Variants in MOB3B observed in about 807,000 individuals in gnomAD.
MOB3B encodes the protein MOB kinase activator 3B, also known as MOB kinase activator-like 2B.
Under a neutral mutation model 18.7 loss-of-function variants are expected in MOB3B, and 7 were observed. The observed-to-expected ratio is 0.37, with a 90% confidence interval of 0.21 to 0.70. MOB3B has a LOEUF of 0.70. Among genes scored for constraint, MOB3B ranks in the 30% least tolerant of loss-of-function variants. The pLI, the probability that MOB3B is intolerant of heterozygous loss-of-function variation, is 0.52. For synonymous variants in MOB3B, 111 were observed against 99.9 expected, an observed-to-expected ratio of 1.11 and a Z score of -0.66; for missense variants, 253 against 281.3, an observed-to-expected ratio of 0.90 and a Z score of 0.72.
At chr9:27,478,457 C>T (rs1819594373) in intron 1 of MOB3B, among the ~76,000 whole-genome samples, 1 of 151,136 alleles carries the variant, frequency 6.6e-6, no homozygotes. Context: ...CCTTTATGAA[C>T]AAAGGGCAAC....
chr9:27,440,457 C>T (rs1376049760), intron 2 of MOB3B, among the ~76,000 whole-genome samples: 2 of 151,590 alleles, frequency 1.3e-5, no homozygotes, highest in African/African-American at 2.4e-5. Context: ...TATAAGAATA[C>T]GTATCAATGG....
At chr9:27,378,455 G>C (rs1277207216) in intron 2 of MOB3B, 8 of 471,266 alleles carry the variant, frequency 1.7e-5, no homozygotes, top group South Asian at 1.1e-4. Context: ...GATGTGGCCA[G>C]AATGATTACA....
At chr9:27,446,498 C>T (rs771265973) in intron 2 of MOB3B, among the ~76,000 whole-genome samples, 1 of 152,216 alleles carries the variant, frequency 6.6e-6, no homozygotes, top group Non-Finnish European at 1.5e-5. Context: ...TCTACCTTTC[C>T]TTTCATTTGT....
chr9:27,491,878 C>T (rs1819825488), intron 1 of MOB3B, among the ~76,000 whole-genome samples: 1 of 152,106 alleles, frequency 6.6e-6, no homozygotes, highest in Non-Finnish European at 1.5e-5. Context: ...GTCTCAACAA[C>T]AACAACAACA....
At chr9:27,371,280 A>AGCGG (rs1691862679) in intron 2 of MOB3B, among the ~76,000 whole-genome samples, 2 of 152,218 alleles carry the variant, frequency 1.3e-5, no homozygotes, top group Non-Finnish European at 2.9e-5. Flanking sequence ...ACCCAACTTG[A>AGCGG]GCGGGGCTTT....
intron 3 of MOB3B, among the ~76,000 whole-genome samples, chr9:27,348,896 C>T (rs573283722): frequency 5.9e-5 from 9 of 152,254 alleles, no homozygotes; most frequent in East Asian, 3.9e-4. Context: ...CTCTGAGAAG[C>T]GGACAATTAG....
chr9:27,437,846 T>A (rs1470062997), intron 2 of MOB3B, among the ~76,000 whole-genome samples: 1 of 152,196 alleles, frequency 6.6e-6, no homozygotes, highest in Non-Finnish European at 1.5e-5. Flanking sequence ...GTTTTTAGGC[T>A]GGAAACTTCT....
At chr9:27,502,044 T>C (rs1820000098) in intron 1 of MOB3B, among the ~76,000 whole-genome samples, 1 of 152,200 alleles carries the variant, frequency 6.6e-6, no homozygotes, top group Non-Finnish European at 1.5e-5. Flanking sequence ...TTTTTTGCCA[T>C]CAATTTGCCT....
chr9:27,405,693 C>G (rs1222617710), intron 2 of MOB3B, among the ~76,000 whole-genome samples: 1 of 152,126 alleles, frequency 6.6e-6, no homozygotes, highest in Non-Finnish European at 1.5e-5. Context: ...TATAGGCCAA[C>G]ATCTTTGATG....
chr9:27,470,114 GAAAAAAA>G (rs751414011), intron 1 of MOB3B, among the ~76,000 whole-genome samples: 1 of 125,968 alleles, frequency 7.9e-6, no homozygotes, highest in African/African-American at 2.9e-5. Flanking sequence ...TCTCTTAAAA[GAAAAAAA>G]AAAAAAAGAA....
chr9:27,472,545 C>G (rs565950503), intron 1 of MOB3B, among the ~76,000 whole-genome samples: 4 of 151,944 alleles, frequency 2.6e-5, no homozygotes, highest in African/African-American at 9.7e-5. Context: ...TCTATTTGGT[C>G]TAAGAAATCT....
chr9:27,520,473 C>A (rs1820306888), intron 1 of MOB3B, among the ~76,000 whole-genome samples: 1 of 152,188 alleles, frequency 6.6e-6, no homozygotes. Flanking sequence ...TTTCCTTACA[C>A]TGTCATTGTT....
Position 27,328,433 on chromosome 9 carries a change from G to A in MOB3B, c.*2154C>T, listed in dbSNP as rs1296084908. ...GTTTGCCAGAATTTACCCTAGAAGA[G>A]TTCATTAGTGCAATTAACAATATAA... On this transcript the variant is annotated 3_prime_UTR_variant, in exon 4 of 4. Transcript: ENST00000262244. 6.6e-6 allele frequency: 1 copy of A among 151,394 alleles called. No individual in the cohort carries two copies. Among genetic ancestry groups the A allele is most frequent in the Non-Finnish European group, 1.5e-5 (1 of 67,924 alleles). 9.4% of individuals were successfully genotyped at this position (151,394 alleles called of 1,614,324 possible). A position where few individuals can be genotyped will look rare whatever the true frequency, so the allele number is the denominator to read the frequency against.
At chr9:27,440,380 T>G (rs1563869170) in intron 2 of MOB3B, among the ~76,000 whole-genome samples, 1 of 108,174 alleles carries the variant, frequency 9.2e-6, no homozygotes, top group Non-Finnish European at 2.0e-5. Flanking sequence ...TGATTCCTTC[T>G]TTTTTTTTTT....
intron 2 of MOB3B, among the ~76,000 whole-genome samples, chr9:27,400,533 C>T (rs1256631497): frequency 6.6e-6 from 1 of 152,202 alleles, no homozygotes; most frequent in African/African-American, 2.4e-5. Flanking sequence ...TCCCTAATGT[C>T]CTCAGGTGAA....
Position 27,330,613 on chromosome 9 carries a change from C to G in MOB3B, c.625G>C (p.Glu209Gln). The G allele has an allele frequency of 6.2e-7, 1 of 1,614,030 alleles. No homozygotes were observed. Residue 209 changes from glutamate to glutamine, a missense_variant, in exon 4 of 4, where the codon GAA becomes CAA. By Grantham distance (29) the Glu-to-Gln change is conservative. Coordinates refer to ENST00000262244, the MANE Select transcript of MOB3B (RefSeq NM_024761.5). ...IDRKELEPLK[E>Q]MTSRMCH ...TAGTGACACATCCTGCTCGTCATTTCTTTCTGGAAAGCAAGGGGAAAAGGA... is the reference window on the plus strand; with the variant it reads ...TAGTGACACATCCTGCTCGTCATTTGTTTCTGGAAAGCAAGGGGAAAAGGA...
chr9:27,325,454 C>T lies in MOB3B; in HGVS notation c.*5133G>A, dbSNP rs7049080. On this transcript the variant is annotated 3_prime_UTR_variant, in exon 4 of 4. Coordinates refer to ENST00000262244, the MANE Select transcript of MOB3B (RefSeq NM_024761.5). ...GATCACTATAAGCTAGTAAAACAGG[C>T]GAATTATTTGATTAGAAATGGACTC... 150,060 of 152,328 alleles carry T rather than the reference C, an allele frequency of 0.99. 73,946 individuals carry two copies. The highest frequency in any genetic ancestry group is 1 in the East Asian group (5,182 of 5,182). The allele number at this position is 152,328 out of a possible 1,614,324, so 9.4% of individuals were successfully genotyped here.
chr9:27,493,909 C>T lies in MOB3B; in HGVS notation c.-199+35646G>A, dbSNP rs556945779. Among the ~76,000 whole-genome samples, 79 of 152,228 alleles carry T rather than the reference C, an allele frequency of 5.2e-4. 1 individual carries two copies. The highest frequency in any genetic ancestry group is 1.6e-3 in the African/African-American group (66 of 41,528). On this transcript the variant is annotated intron_variant, in intron 1 of 3. Transcript: ENST00000262244. Reference sequence around the variant, plus strand: ...CCTTAAACTCTGACCACCGGTGAGCCGGGCAGAACAGAGCCATTTTTCTCT... The same window carrying T: ...CCTTAAACTCTGACCACCGGTGAGCTGGGCAGAACAGAGCCATTTTTCTCT...
chr9:27,353,460 C>A (rs1197255530), intron 3 of MOB3B, among the ~76,000 whole-genome samples: 1 of 152,144 alleles, frequency 6.6e-6, no homozygotes, highest in Non-Finnish European at 1.5e-5. Context: ...TGAGAAACCC[C>A]TATGGTCCAA....
Sources: allele counts gnomAD v4.1 joint callset (sites outside exome capture counted in the v4.1 genomes callset), GRCh38; gene constraint gnomAD v4.1.1; transcripts MANE v1.5; gene names NCBI Gene and HGNC (gene_info 2026-07-23, HGNC 2026-07-21).